KIAA1328: variants seen among roughly 807,000 people sequenced by gnomAD.
KIAA1328 encodes protein hinderin.
A neutral mutation model predicts 68.1 loss-of-function variants in KIAA1328; 52 were observed. The ratio of observed to expected loss-of-function variants is 0.76; its 90% CI spans 0.61 to 0.96. The LOEUF is 0.96. Ranked by LOEUF, KIAA1328 falls within the 40% of genes least tolerant of loss-of-function variation. The pLI, the probability that KIAA1328 is intolerant of heterozygous loss-of-function variation, is 0.00. For synonymous variants in KIAA1328, 232 were observed against 239.4 expected, an observed-to-expected ratio of 0.97 and a Z score of 0.28; for missense variants, 641 against 677.6, an observed-to-expected ratio of 0.95 and a Z score of 0.60.
intron 9 of KIAA1328, among the ~76,000 whole-genome samples, chr18:37,181,866 T>C (rs1475104581): frequency 6.6e-6 from 1 of 152,186 alleles, no homozygotes; most frequent in African/African-American, 2.4e-5. Context: ...TCCATAATTT[T>C]AGAAACAATG....
At chr18:36,888,597 G>A (rs2048578065) in intron 5 of KIAA1328, among the ~76,000 whole-genome samples, 1 of 151,914 alleles carries the variant, frequency 6.6e-6, no homozygotes, top group Non-Finnish European at 1.5e-5. Flanking sequence ...AATATAGGTA[G>A]TATTTATAAA....
chr18:36,893,346 C>T (rs1470994916), intron 5 of KIAA1328, among the ~76,000 whole-genome samples: 6 of 151,762 alleles, frequency 4.0e-5, no homozygotes, highest in East Asian at 1.9e-4. Context: ...GGACTCACTG[C>T]GGCCTGGATC....
At chr18:36,883,714 C>T (rs1408749522) in intron 4 of KIAA1328, among the ~76,000 whole-genome samples, 2 of 152,148 alleles carry the variant, frequency 1.3e-5, no homozygotes, top group Non-Finnish European at 2.9e-5. Context: ...CTATATACAA[C>T]ATCACTCATT....
intron 9 of KIAA1328, among the ~76,000 whole-genome samples, chr18:37,187,526 C>T (rs2059826874): frequency 6.6e-6 from 1 of 152,170 alleles, no homozygotes; most frequent in Non-Finnish European, 1.5e-5. Flanking sequence ...TGTTTCTTAA[C>T]ATACATGAAT....
intron 7 of KIAA1328, among the ~76,000 whole-genome samples, chr18:37,074,595 G>T (rs989780230): frequency 6.6e-6 from 1 of 152,090 alleles, no homozygotes; most frequent in Non-Finnish European, 1.5e-5. Flanking sequence ...CGGCTCCTGA[G>T]GCTTCTGCAT....
chr18:37,159,194 G>A (rs925420207), intron 7 of KIAA1328, among the ~76,000 whole-genome samples: 28 of 152,040 alleles, frequency 1.8e-4, no homozygotes, highest in African/African-American at 5.6e-4. Flanking sequence ...TATGATATGA[G>A]CAAACACTGC....
chr18:37,098,574 T>C (rs140604270), intron 7 of KIAA1328, among the ~76,000 whole-genome samples: 40 of 152,322 alleles, frequency 2.6e-4, no homozygotes, highest in African/African-American at 8.9e-4. Flanking sequence ...GGTACCAGGA[T>C]GATCCTGGGC....
In KIAA1328 at chr18:36,876,185, C is replaced by T. The variant is rs1013178420; in HGVS notation, c.333-9372C>T. On this transcript the variant is annotated intron_variant, in intron 4 of 9. Coordinates refer to ENST00000280020, the MANE Select transcript of KIAA1328 (RefSeq NM_020776.3). Reference sequence around the variant, plus strand: ...TCAGGATGATGCTGGCCTCATAAAACGAGTTAGGCAGGAGTCCCTCTTTTT... The same window carrying T: ...TCAGGATGATGCTGGCCTCATAAAATGAGTTAGGCAGGAGTCCCTCTTTTT... Among the ~76,000 whole-genome samples, 30 of 152,124 alleles carry T rather than the reference C, an allele frequency of 2.0e-4. No homozygotes were observed. In the Middle Eastern group the frequency reaches 0.01, roughly 52 times the overall value.
intron 7 of KIAA1328, among the ~76,000 whole-genome samples, chr18:37,127,095 A>T (rs995472632): frequency 1.3e-5 from 2 of 152,198 alleles, no homozygotes; most frequent in Non-Finnish European, 2.9e-5. Flanking sequence ...AAGAAATAAA[A>T]GGCTACATTA....
intron 5 of KIAA1328, among the ~76,000 whole-genome samples, chr18:36,930,396 G>A (rs965281130): frequency 6.6e-6 from 1 of 151,986 alleles, no homozygotes; most frequent in Non-Finnish European, 1.5e-5. Context: ...CAGATTATCT[G>A]GCTCTCATTG....
intron 6 of KIAA1328, among the ~76,000 whole-genome samples, chr18:37,061,363 A>G (rs775158525): frequency 8.5e-5 from 13 of 152,202 alleles, no homozygotes; most frequent in Non-Finnish European, 1.6e-4. Context: ...GCACAAGGGA[A>G]CTTTCTGGGG....
At chr18:36,848,763 G>A (rs1463127120) in intron 4 of KIAA1328, among the ~76,000 whole-genome samples, 2 of 150,032 alleles carry the variant, frequency 1.3e-5, no homozygotes, top group African/African-American at 4.9e-5. Flanking sequence ...TTTATCTTTA[G>A]TCATAAATTG....
At chr18:37,192,051 C>T (rs2154217619) in intron 9 of KIAA1328, among the ~76,000 whole-genome samples, 1 of 152,218 alleles carries the variant, frequency 6.6e-6, no homozygotes, top group Non-Finnish European at 1.5e-5. Context: ...AGCACTAAGT[C>T]CGAGCAAAAC....
At chr18:37,195,445 C>T (rs75325946) in intron 9 of KIAA1328, among the ~76,000 whole-genome samples, 2,853 of 152,254 alleles carry the variant, frequency 0.019, 47 homozygotes, top group Non-Finnish European at 0.024. Context: ...TTTCAAGTCT[C>T]AGGTCTTACA....
intron 8 of KIAA1328, among the ~76,000 whole-genome samples, chr18:37,167,896 G>T (rs2059422849): frequency 6.7e-6 from 1 of 149,940 alleles, no homozygotes; most frequent in Non-Finnish European, 1.5e-5. Flanking sequence ...TGATATCAAA[G>T]CCAGAGACAG....
chr18:37,161,012 C>T lies in KIAA1328; in HGVS notation c.1414+631C>T, dbSNP rs371387363. The stretch of plus-strand genomic sequence containing the variant: ...ATCTTTCCTGGCATCCTTAAAGGAA[C>T]GACTTTGGAAAAGAATGGAGCAAGT... On this transcript the variant is annotated intron_variant, in intron 8 of 9. Transcript: ENST00000280020. 6.6e-5 allele frequency among the ~76,000 whole-genome samples: 10 copies of T among 152,080 alleles called. No individual in the cohort carries two copies. The East Asian group carries it at 1.9e-3, about 29-fold the overall frequency.
chr18:37,123,343 A>T (rs1381594459), intron 7 of KIAA1328, among the ~76,000 whole-genome samples: 1 of 152,190 alleles, frequency 6.6e-6, no homozygotes, highest in Non-Finnish European at 1.5e-5. Flanking sequence ...TTAAAAATTG[A>T]TCATAATTAG....
rs894102131 is a variant in KIAA1328 at position 36,954,824 on chromosome 18, A to G, written c.449-4484A>G. On this transcript the variant is annotated intron_variant, in intron 5 of 9. Coordinates refer to ENST00000280020, the MANE Select transcript of KIAA1328 (RefSeq NM_020776.3). ...ATTGTCTTGCGACAGCCTCCTGAGT[A>G]GCTGGGATTACAGGCGCCCACCACC... 2.0e-5 allele frequency among the ~76,000 whole-genome samples: 3 copies of G among 151,380 alleles called. No individual in the cohort carries two copies. The South Asian group carries it at 6.2e-4, about 32-fold the overall frequency.
intron 7 of KIAA1328, among the ~76,000 whole-genome samples, chr18:37,108,435 T>C (rs941503069): frequency 2.6e-5 from 4 of 152,178 alleles, no homozygotes; most frequent in African/African-American, 9.7e-5. Flanking sequence ...GGTGATGGGA[T>C]CTGTACTCCA....
Sources: allele counts gnomAD v4.1 joint callset (sites outside exome capture counted in the v4.1 genomes callset), GRCh38; gene constraint gnomAD v4.1.1; transcripts MANE v1.5; gene names NCBI Gene and HGNC (gene_info 2026-07-23, HGNC 2026-07-21).